The following ATP11A variants were observed in gnomAD, a reference collection of about 807,000 sequenced individuals.
The protein encoded by ATP11A is phospholipid-transporting ATPase IH.
A neutral mutation model predicts 154.4 loss-of-function variants in ATP11A; 81 were observed. That is an observed-to-expected ratio of 0.52 (90% CI 0.44 to 0.63). The LOEUF (loss-of-function observed/expected upper bound fraction) is 0.63. Ranked by LOEUF, ATP11A falls within the 30% of genes least tolerant of loss-of-function variation. ATP11A has a pLI of 0.00. For missense variants in ATP11A, 1,316 were observed against 1,474.3 expected, an observed-to-expected ratio of 0.89 and a Z score of 1.76; for synonymous variants, 623 against 585.9, an observed-to-expected ratio of 1.06 and a Z score of -0.91.
intron 5 of ATP11A, among the ~76,000 whole-genome samples, chr13:112,815,198 GCGA>G: frequency 1.3e-5 from 2 of 151,936 alleles, no homozygotes; most frequent in Non-Finnish European, 2.9e-5. Flanking sequence ...GTCCAGATCT[GCGA>G]TGGCTTCCTC....
intron 1 of ATP11A, among the ~76,000 whole-genome samples, chr13:112,708,770 C>G (rs1264070601): frequency 6.6e-6 from 1 of 152,172 alleles, no homozygotes; most frequent in Non-Finnish European, 1.5e-5. Context: ...CACCCCTGCC[C>G]GACAAGCCTG....
chr13:112,839,137 A>C (rs925747838), intron 16 of ATP11A, among the ~76,000 whole-genome samples: 2 of 152,180 alleles, frequency 1.3e-5, no homozygotes, highest in Admixed American at 1.3e-4. Context: ...CGGAAGTCAC[A>C]GGCCACTCGG....
Position 112,860,428 on chromosome 13 carries a change from A to C in ATP11A, c.2855+14A>C. 6.2e-7 allele frequency: 1 copy of C among 1,613,682 alleles called. No individual in the cohort carries two copies. The highest frequency in any genetic ancestry group is 1.3e-5 in the African/African-American group (1 of 74,984). On this transcript the variant is annotated intron_variant, in intron 24 of 29. Transcript: ENST00000375645. ...GACCCTGTACAGGTACCATCCTCCAAACAGCCTCTCCTGAGAGCAGAGAGA... is the reference window on the plus strand; with the variant it reads ...GACCCTGTACAGGTACCATCCTCCACACAGCCTCTCCTGAGAGCAGAGAGA...
Position 112,851,067 on chromosome 13 carries a change from A to G in ATP11A, c.1840A>G (p.Lys614Glu), listed in dbSNP as rs2079750496. 6.2e-7 allele frequency: 1 copy of G among 1,614,090 alleles called. No homozygotes were observed. Among genetic ancestry groups the G allele is most frequent in the Admixed American group, 1.7e-5 (1 of 60,006 alleles). The change falls in exon 18 of 30, where the codon AAA (lysine) becomes GAA (glutamate). Residue 614 changes from lysine (K) to glutamate (E), a missense_variant. Lys to Glu is a moderately conservative substitution (Grantham distance 56). This residue lies in a region of ATP11A where 876 missense variants were observed against 1,006.8 expected (regional missense o/e 0.87). Transcript: ENST00000375645. ...EGLRTLCVAY[K>E]RLIQEEYEGI... ...GCTCCGAACTTTGTGTGTTGCTTAT[A>G]AAAGGCTGATCCAAGAAGAATATGA...
chr13:112,832,463 G>A (rs188532647), intron 13 of ATP11A, among the ~76,000 whole-genome samples: 7 of 152,324 alleles, frequency 4.6e-5, no homozygotes, highest in Admixed American at 2.6e-4. Context: ...CGTCCCCATC[G>A]CACAGGCACC....
intron 2 of ATP11A, among the ~76,000 whole-genome samples, chr13:112,801,990 C>T (rs1322363397): frequency 6.6e-6 from 1 of 152,164 alleles, no homozygotes. Flanking sequence ...CTGACACTAG[C>T]CCACTTTAGG....
At chr13:112,827,693 T>C (rs558763613) in intron 12 of ATP11A, among the ~76,000 whole-genome samples, 11 of 152,342 alleles carry the variant, frequency 7.2e-5, no homozygotes, top group African/African-American at 2.6e-4. Context: ...TTGAAGGATA[T>C]TTTAGCAAAC....
intron 1 of ATP11A, among the ~76,000 whole-genome samples, chr13:112,693,134 A>G (rs958808224): frequency 3.3e-5 from 5 of 152,256 alleles, no homozygotes; most frequent in Non-Finnish European, 7.3e-5. Flanking sequence ...CAAATGAGTG[A>G]GAGAACAGAT....
chr13:112,859,550 C>A lies in ATP11A; in HGVS notation c.2727+98C>A. ...GGAGGGGAGACTTGGGAATGAGCAG[C>A]ACTCCCCGGCACCACGAGGGAGCCA... On this transcript the variant is annotated intron_variant, in intron 23 of 29. Transcript: ENST00000375645. This position sits in a 1 kb window ranked among gnomAD's most constrained non-coding sequence, Gnocchi z 4.3. 1 of 1,031,444 alleles carries A rather than the reference C, an allele frequency of 9.7e-7. No homozygotes were observed. The highest frequency in any genetic ancestry group is 1.5e-6 in the Non-Finnish European group (1 of 653,658). The allele number at this position is 1,031,444 out of a possible 1,614,324, so 63.9% of individuals were successfully genotyped here.
At chr13:112,698,694 T>C (rs935962788) in intron 1 of ATP11A, among the ~76,000 whole-genome samples, 2 of 152,044 alleles carry the variant, frequency 1.3e-5, no homozygotes, top group African/African-American at 4.8e-5. Context: ...GTTGCCTCTT[T>C]AAACCAATCT....
At chr13:112,861,992 T>TCAGGTGTAAGGTGTCACAG (rs2080117416) in intron 24 of ATP11A, among the ~76,000 whole-genome samples, 2 of 150,580 alleles carry the variant, frequency 1.3e-5, no homozygotes, top group Non-Finnish European at 3.0e-5. Context: ...AGGTGTCACG[T>TCAGGTGTAAGGTGTCACAG]CAGGCGTAAG....
intron 12 of ATP11A, among the ~76,000 whole-genome samples, chr13:112,830,849 A>C (rs1404018251): frequency 6.6e-6 from 1 of 152,004 alleles, no homozygotes; most frequent in East Asian, 1.9e-4. Context: ...CACATATCAC[A>C]GTTTTCTCTG....
Position 112,882,168 on chromosome 13 carries a change from C to A in ATP11A, c.*302C>A. The A allele has an allele frequency of 7.8e-7, 1 of 1,281,422 alleles. No homozygotes were observed. The highest frequency in any genetic ancestry group is 1.0e-6 in the Non-Finnish European group (1 of 975,350). The allele number at this position is 1,281,422 out of a possible 1,614,324, so 79.4% of individuals were successfully genotyped here. A position where few individuals can be genotyped will look rare whatever the true frequency, so the allele number is the denominator to read the frequency against. ...TTGCCCTCGAGCATGGCACCCTGGC[C>A]GCCTGGACCCAGCACTGTGGTTGTT... is the stretch of plus-strand genomic sequence containing the variant. On this transcript the variant is annotated 3_prime_UTR_variant, in exon 30 of 30. Transcript: ENST00000375645. The surrounding 1 kb of genome is among the most constrained non-coding windows in gnomAD (Gnocchi z 5.1).
At chr13:112,809,989 G>A (rs919456643) in intron 4 of ATP11A, among the ~76,000 whole-genome samples, 6 of 152,208 alleles carry the variant, frequency 3.9e-5, no homozygotes, top group Admixed American at 2.0e-4. Flanking sequence ...CTGCCTGTGC[G>A]TGCACGGGAG....
rs1319051386 is a variant in ATP11A, at chr13:112,885,688, C to T, written c.*3822C>T. On this transcript the variant is annotated 3_prime_UTR_variant, in exon 30 of 30. Coordinates refer to ENST00000375645, the MANE Select transcript of ATP11A (RefSeq NM_015205.3). The stretch of plus-strand genomic sequence containing the variant: ...ACACACATGCACACACATATACACA[C>T]ATGTGCCACAAACAAGTGCACACTG... The T allele has an allele frequency of 6.6e-6, 1 of 152,382 alleles. No homozygotes were observed. The highest frequency in any genetic ancestry group is 2.4e-5 in the African/African-American group (1 of 41,480). 9.4% of individuals were successfully genotyped at this position (152,382 alleles called of 1,614,324 possible).
rs60772201 is a variant in ATP11A, at chr13:112,860,663, C to A, written c.2855+249C>A. On this transcript the variant is annotated intron_variant, in intron 24 of 29. Coordinates refer to ENST00000375645, the MANE Select transcript of ATP11A (RefSeq NM_015205.3). Reference sequence around the variant, plus strand: ...TCTGTGTGGAGCCAGTTTGCACTTTCCTGTGCTTTCTGACAGTCCTGAGGG... The same window carrying A: ...TCTGTGTGGAGCCAGTTTGCACTTTACTGTGCTTTCTGACAGTCCTGAGGG... The A allele has an allele frequency of 8.3e-4, 334 of 402,278 alleles. No homozygotes were observed. The East Asian group carries it at 0.013, about 16-fold the overall frequency. 24.9% of individuals were successfully genotyped at this position (402,278 alleles called of 1,614,324 possible). A position where few individuals can be genotyped will look rare whatever the true frequency, so the allele number is the denominator to read the frequency against.
At chr13:112,788,155 T>G (rs1293069364) in intron 2 of ATP11A, among the ~76,000 whole-genome samples, 2 of 148,206 alleles carry the variant, frequency 1.3e-5, no homozygotes, top group Non-Finnish European at 3.0e-5. Flanking sequence ...TAGACCCCTG[T>G]GGAGACCTAC....
intron 17 of ATP11A, among the ~76,000 whole-genome samples, chr13:112,850,393 CT>C (rs1242607149): frequency 6.6e-6 from 1 of 152,206 alleles, no homozygotes; most frequent in Non-Finnish European, 1.5e-5. Flanking sequence ...AAACCGCCCC[CT>C]GTGTGGCTGC....
intron 2 of ATP11A, among the ~76,000 whole-genome samples, chr13:112,788,033 CA>C (rs1404774316): frequency 1.4e-5 from 2 of 148,040 alleles, no homozygotes; most frequent in African/African-American, 2.5e-5. Flanking sequence ...TAATTCACAC[CA>C]AGTGTCCTGA....
Sources: gnomAD v4.1 joint callset for allele counts (sites outside exome capture counted in the v4.1 genomes callset) on GRCh38, gnomAD v4.1.1 for gene constraint, gnomAD v4.1.1 regional missense constraint, Gnocchi (gnomAD v3.1) non-coding constraint, MANE v1.5 for transcripts, NCBI Gene and HGNC (gene_info 2026-07-23, HGNC 2026-07-21) for gene names.